Variants in DVL2 observed in about 807,000 individuals in gnomAD.
The protein encoded by DVL2 is segment polarity protein dishevelled homolog DVL-2.
Under a neutral mutation model 69.8 loss-of-function variants are expected in DVL2, and 38 were observed. The ratio of observed to expected loss-of-function variants is 0.54; its 90% CI spans 0.42 to 0.71. The LOEUF (loss-of-function observed/expected upper bound fraction) is 0.71. DVL2 is among the 30% of genes least tolerant of loss of function. The pLI is 0.00. For synonymous variants in DVL2, 428 were observed against 392.4 expected, an observed-to-expected ratio of 1.09 and a Z score of -1.07; for missense variants, 931 against 1,008.1, an observed-to-expected ratio of 0.92 and a Z score of 1.04.
intron 9 of DVL2, 96 bp from the exon 10 acceptor site, chr17:7,228,140 G>C (rs1447237819): frequency 2.9e-6 from 3 of 1,037,964 alleles, no homozygotes; most frequent in Middle Eastern, 2.1e-4. Flanking sequence ...GACACAAAGA[G>C]GGGGAGAAGC....
At chr17:7,230,536 A>C in intron 2 of DVL2, 106 bp from the exon 3 acceptor site, 2 of 1,467,796 alleles carry the variant, frequency 1.4e-6, no homozygotes, top group Admixed American at 2.0e-5. Flanking sequence ...GGAGAAGAGC[A>C]AAAAAACCTA....
rs747730229 is a variant in DVL2 at position 7,227,177 on chromosome 17, C to A, written c.1456G>T (p.Gly486Cys). 1 of 1,614,126 alleles carries A rather than the reference C, an allele frequency of 6.2e-7. No homozygotes were observed. The highest frequency in any genetic ancestry group is 1.1e-5 in the South Asian group (1 of 91,084). ...RKYASGLLKAGLIRHTVNKIT... is the reference protein window; with the variant it reads ...RKYASGLLKACLIRHTVNKIT... Reference sequence around the variant, plus strand: ...TTGTTGACGGTGTGTCGGATCAGGCCTGCTTTGAGCAGCCCGCTGGCATAC... The same window carrying A: ...TTGTTGACGGTGTGTCGGATCAGGCATGCTTTGAGCAGCCCGCTGGCATAC... Residue 486 changes from glycine to cysteine, a missense_variant, in exon 13 of 15, where the codon GGC becomes TGC. Physicochemically the swap from Gly to Cys is radical, Grantham distance 159 (BLOSUM62 -3). Transcript: ENST00000005340.
chr17:7,232,686 CAA>C (rs879714778), intron 1 of DVL2, among the ~76,000 whole-genome samples: 2 of 152,218 alleles, frequency 1.3e-5, no homozygotes, highest in Admixed American at 6.5e-5. Flanking sequence ...AGATAACTCC[CAA>C]GATAGTATCA....
rs757957085 is a variant in DVL2 at position 7,226,190 on chromosome 17, C to T, written c.1886G>A (p.Gly629Asp). Residue 629 changes from glycine (G) to aspartate (D), a missense_variant, in exon 15 of 15, where the codon GGC becomes GAC. By Grantham distance (94) the Gly-to-Asp change is moderately conservative (BLOSUM62 -1). Around this residue, in one of 3 missense-constraint regions of DVL2, gnomAD observed 314 missense variants for 313.7 expected, o/e 1.00. Transcript: ENST00000005340. ...TGCTTCCCCACCCCGCCGAAGGCTG[C>T]CCCCTCGGCTGGAGGGCTCAGACTC... Reference protein sequence around the residue: ...GSESEPSSRGGSLRRGGEASG... With the variant: ...GSESEPSSRGDSLRRGGEASG... 7 of 1,611,930 alleles carry T rather than the reference C, an allele frequency of 4.3e-6. No individual in the cohort carries two copies. The East Asian group carries it at 6.7e-5, about 15-fold the overall frequency.
Position 7,227,542 on chromosome 17 carries a change from G to A in DVL2, c.1232-7C>T, listed in dbSNP as rs779880672. 6.2e-7 allele frequency: 1 copy of A among 1,613,828 alleles called. No homozygotes were observed. Among genetic ancestry groups the A allele is most frequent in the Non-Finnish European group, 8.5e-7 (1 of 1,179,720 alleles). On this transcript the variant is annotated splice_polypyrimidine_tract_variant and splice_region_variant and intron_variant, in intron 11 of 14. Coordinates refer to ENST00000005340, the MANE Select transcript of DVL2 (RefSeq NM_004422.3). ...AGACCCCGGCCTTCACAGCCTGGCA[G>A]AGGAGACAACGGGTAACCAGAGTCA... is the stretch of plus-strand genomic sequence containing the variant.
rs758793191 is a variant in DVL2 at position 7,229,093 on chromosome 17, G to A, written c.957+42C>T. ...CAGAGACACGGTGGGAGAGGCTGAG[G>A]GCCCCCGTGCAGGGCAGCTCAGTGG... On this transcript the variant is annotated intron_variant, in intron 8 of 14. Coordinates refer to ENST00000005340, the MANE Select transcript of DVL2 (RefSeq NM_004422.3). This position sits in a 1 kb window ranked among gnomAD's most constrained non-coding sequence, Gnocchi z 4.4. 42 of 1,614,052 alleles carry A rather than the reference G, an allele frequency of 2.6e-5. 1 individual carries two copies. In the Middle Eastern group the frequency reaches 2.5e-3, roughly 95 times the overall value.
At position 7,225,807 on chromosome 17, in the gene DVL2, G is replaced by C. The variant is rs996082042; in HGVS notation, c.*58C>G. 56 of 1,463,620 alleles carry C rather than the reference G, an allele frequency of 3.8e-5. No homozygotes were observed. Among genetic ancestry groups the C allele is most frequent in the Middle Eastern group, 2.1e-4 (1 of 4,840 alleles). The allele number at this position is 1,463,620 out of a possible 1,614,324, so 90.7% of individuals were successfully genotyped here. On this transcript the variant is annotated 3_prime_UTR_variant, in exon 15 of 15. Transcript: ENST00000005340. The stretch of plus-strand genomic sequence containing the variant: ...GGCACTGTAAGAGCAAGCACATGAC[G>C]GCCAGGACACCCAGTCACACACCAG...
At chr17:7,233,087 CAAAAAAAA>C in intron 1 of DVL2, among the ~76,000 whole-genome samples, 1 of 36,298 alleles carries the variant, frequency 2.8e-5, no homozygotes, top group Admixed American at 3.2e-4. Context: ...GAGACTGTCT[CAAAAAAAA>C]AAAAAAAAAA....
At position 7,229,689 on chromosome 17, in the gene DVL2, G is replaced by A. The variant is rs1317808285; in HGVS notation, c.657-11C>T. Reference sequence around the variant, plus strand: ...GTGGAGCTGCTGAACCTACCAGGAGGTTGGGAAGGAGAGCAAACGTAGGCC... The same window carrying A: ...GTGGAGCTGCTGAACCTACCAGGAGATTGGGAAGGAGAGCAAACGTAGGCC... On this transcript the variant is annotated splice_polypyrimidine_tract_variant and intron_variant, in intron 5 of 14. Transcript: ENST00000005340. This position sits in a 1 kb window ranked among gnomAD's most constrained non-coding sequence, Gnocchi z 4.4. 9 of 1,555,508 alleles carry A rather than the reference G, an allele frequency of 5.8e-6. No homozygotes were observed. The highest frequency in any genetic ancestry group is 1.4e-5 in the African/African-American group (1 of 73,318).
chr17:7,228,978 T>C lies in DVL2; in HGVS notation c.1025A>G (p.His342Arg), dbSNP rs1476176986. The C allele has an allele frequency of 6.2e-7, 1 of 1,614,150 alleles. No homozygotes were observed. The highest frequency in any genetic ancestry group is 8.5e-7 in the Non-Finnish European group (1 of 1,179,998). ...CTGCTTGGCAACTCACCCAGGCTTG[T>C]GCACAATGTCCCTCAGCACCCGCAC... is the stretch of plus-strand genomic sequence containing the variant. ...DAVRVLRDIV[H>R]KPGPIVLTVA... The change falls in exon 9 of 15, where the codon CAC becomes CGC. Residue 342 changes from histidine to arginine, a missense_variant. This residue lies in a region of DVL2 where 555 missense variants were observed against 588.8 expected (regional missense o/e 0.94). Transcript: ENST00000005340.
chr17:7,233,083 GTC>G (rs2071567972), intron 1 of DVL2, among the ~76,000 whole-genome samples: 2 of 40,172 alleles, frequency 5.0e-5, no homozygotes, highest in Non-Finnish European at 9.2e-5. Flanking sequence ...GAGCGAGACT[GTC>G]TCAAAAAAAA....
rs904733230 is a variant in DVL2, at chr17:7,234,485, G to T, written c.-223C>A. ...GTCTCAGCGGCCGCCGCGCGCCACC[G>T]CCACCGACGCCGCGAGCTTCCTCCA... On this transcript the variant is annotated 5_prime_UTR_variant, in exon 1 of 15. Transcript: ENST00000005340. 1.8e-6 allele frequency: 1 copy of T among 544,826 alleles called. No homozygotes were observed. Among genetic ancestry groups the T allele is most frequent in the Non-Finnish European group, 3.1e-6 (1 of 317,716 alleles). 33.7% of individuals were successfully genotyped at this position (544,826 alleles called of 1,614,324 possible).
At chr17:7,228,449 A>T (rs964803038) in intron 9 of DVL2, 4 of 182,390 alleles carry the variant, frequency 2.2e-5, no homozygotes, top group African/African-American at 9.5e-5. Context: ...AGGAAGGGAC[A>T]TCTGAGGAGG....
rs1179132425 is a variant in DVL2, at chr17:7,226,597, C to T, written c.1586G>A (p.Gly529Glu). ...LSLNDNDGSS[G>E]ASDQDTLAPL... ...AGCCAGGGTATCCTGGTCTGAAGCC[C>T]CACTGGAGCCATCGTTGTCATTGAG... is the stretch of plus-strand genomic sequence containing the variant. Residue 529 changes from glycine to glutamate, a missense_variant, in exon 14 of 15, where the codon GGG becomes GAG. Physicochemically the swap from Gly to Glu is moderately conservative, Grantham distance 98. Around this residue, in one of 3 missense-constraint regions of DVL2, gnomAD observed 314 missense variants for 313.7 expected, o/e 1.00. Transcript: ENST00000005340. The T allele has an allele frequency of 1.9e-6, 3 of 1,592,240 alleles. No individual in the cohort carries two copies. Among genetic ancestry groups the T allele is most frequent in the Non-Finnish European group, 2.6e-6 (3 of 1,171,432 alleles).
Position 7,230,709 on chromosome 17 carries a change from C to T in DVL2, c.264+19G>A, listed in dbSNP as rs200067363. 40 of 1,604,030 alleles carry T rather than the reference C, an allele frequency of 2.5e-5. No homozygotes were observed. Among genetic ancestry groups the T allele is most frequent in the Non-Finnish European group, 3.2e-5 (37 of 1,174,484 alleles). ...GGCAATGCTGAGGGGGCCTGGTCCT[C>T]GGTGTCAGAACCTCTTACCCAGGAT... is the stretch of plus-strand genomic sequence containing the variant. On this transcript the variant is annotated intron_variant, in intron 2 of 14. Transcript: ENST00000005340.
chr17:7,234,119 C>G lies in DVL2; in HGVS notation c.144G>C (p.Gln48His). The change falls in exon 1 of 15, where the codon CAG (glutamine) becomes CAC (histidine). Residue 48 changes from glutamine (Q) to histidine (H), a missense_variant. Physicochemically the swap from Gln to His is conservative, Grantham distance 24. Transcript: ENST00000005340. ...AAAAGTACTTGGCGCCCGCGGGCCG[C>G]TGCAGGACGCTCTTGAAATCGCCGA... The part of the protein sequence containing the change: ...ITLGDFKSVL[Q>H]RPAGAKYFFK... The G allele has an allele frequency of 6.2e-7, 1 of 1,614,106 alleles. No individual in the cohort carries two copies. The highest frequency in any genetic ancestry group is 8.5e-7 in the Non-Finnish European group (1 of 1,180,058).
chr17:7,232,398 A>G lies in DVL2; in HGVS notation c.195-1601T>C, dbSNP rs182889680. ...CCAGTCACTACTAACCCGTCTCAGC[A>G]TAATGTAGGATTCTTCCCAACATAA... On this transcript the variant is annotated intron_variant, in intron 1 of 14. Coordinates refer to ENST00000005340, the MANE Select transcript of DVL2 (RefSeq NM_004422.3). Among the ~76,000 whole-genome samples the G allele has an allele frequency of 2.2e-4, 33 of 152,346 alleles. 1 individual carries two copies. The highest frequency in any genetic ancestry group is 6.7e-4 in the African/African-American group (28 of 41,574).
Position 7,228,006 on chromosome 17 carries a change from G to A in DVL2, c.1073C>T (p.Ser358Phe). 6.4e-7 allele frequency: 1 copy of A among 1,558,876 alleles called. No homozygotes were observed. The highest frequency in any genetic ancestry group is 8.7e-7 in the Non-Finnish European group (1 of 1,153,774). ...GGGGAGAGTGAAATAGGCCTGAGGA[G>A]AGGGATCCCAGCACTTGGCCACAGT... ...VLTVAKCWDP[S>F]PQAYFTLPRN... The change falls in exon 10 of 15, where the codon TCT (serine) becomes TTT (phenylalanine). Residue 358 changes from serine to phenylalanine, a missense_variant. By Grantham distance (155) the Ser-to-Phe change is radical. This residue lies in a region of DVL2 where 555 missense variants were observed against 588.8 expected (regional missense o/e 0.94). Transcript: ENST00000005340.
At position 7,226,016 on chromosome 17, in the gene DVL2, G is replaced by T. The variant is rs375466737; in HGVS notation, c.2060C>A (p.Pro687Gln). 6 of 1,612,916 alleles carry T rather than the reference G, an allele frequency of 3.7e-6. No individual in the cohort carries two copies. Among genetic ancestry groups the T allele is most frequent in the Non-Finnish European group, 4.2e-6 (5 of 1,179,570 alleles). Reference protein sequence around the residue: ...YNPMMVVMMPPPPPPVPPAVQ... With the variant: ...YNPMMVVMMPQPPPPVPPAVQ... Reference sequence around the variant, plus strand: ...TGCTGGAGGGACTGGAGGTGGAGGTGGGGGCATCATGACCACCATCATGGG... The same window carrying T: ...TGCTGGAGGGACTGGAGGTGGAGGTTGGGGCATCATGACCACCATCATGGG... Residue 687 changes from proline (P) to glutamine (Q), a missense_variant, in exon 15 of 15, where the codon CCA becomes CAA. By Grantham distance (76) the Pro-to-Gln change is moderately conservative. Transcript: ENST00000005340.
Sources: allele counts gnomAD v4.1 joint callset (sites outside exome capture counted in the v4.1 genomes callset), GRCh38; gene constraint gnomAD v4.1.1; regional missense constraint gnomAD v4.1.1; non-coding constraint Gnocchi (gnomAD v3.1); transcripts MANE v1.5; gene names NCBI Gene and HGNC (gene_info 2026-07-23, HGNC 2026-07-21).